LINGO1: variants seen among roughly 807,000 people sequenced by gnomAD.
The protein encoded by LINGO1 is leucine-rich repeat and immunoglobulin-like domain-containing nogo receptor-interacting protein 1.
Under a neutral mutation model 37.3 loss-of-function variants are expected in LINGO1, and 11 were observed. The observed-to-expected ratio is 0.29, with a 90% CI of 0.19 to 0.49. The LOEUF (loss-of-function observed/expected upper bound fraction) is 0.49. LINGO1 is among the 20% of genes least tolerant of loss of function. LINGO1 has a pLI of 0.99. For synonymous variants in LINGO1, 387 were observed against 403.0 expected (o/e 0.96, Z 0.48); for missense variants, 585 against 878.2 (o/e 0.67, Z 4.22).
At chr15:77,663,657 TCC>T (rs2075047680) in intron 3 of LINGO1, among the ~76,000 whole-genome samples, 1 of 152,012 alleles carries the variant, frequency 6.6e-6, no homozygotes, top group South Asian at 2.1e-4. Context: ...CCAGTAGGGG[TCC>T]TTCCTCAGTG....
chr15:77,803,252 A>G (rs1242136279), intron 1 of LINGO1, among the ~76,000 whole-genome samples: 1 of 152,138 alleles, frequency 6.6e-6, no homozygotes, highest in Non-Finnish European at 1.5e-5. Context: ...CCTAGAACCC[A>G]GCCTAGGCCT....
intron 3 of LINGO1, among the ~76,000 whole-genome samples, chr15:77,670,988 C>T (rs942859960): frequency 1.3e-5 from 2 of 152,188 alleles, no homozygotes; most frequent in Non-Finnish European, 2.9e-5. Flanking sequence ...ACATAGGGCC[C>T]GCTTCCTGGA....
At chr15:77,736,968 C>T (rs2076210022) in intron 1 of LINGO1, among the ~76,000 whole-genome samples, 1 of 152,190 alleles carries the variant, frequency 6.6e-6, no homozygotes, top group South Asian at 2.1e-4. Flanking sequence ...TGGTGCTGCA[C>T]TGAGGCATGC....
chr15:77,676,060 G>C (rs1475723292), intron 3 of LINGO1, among the ~76,000 whole-genome samples: 1 of 152,258 alleles, frequency 6.6e-6, no homozygotes, highest in African/African-American at 2.4e-5. Context: ...GAGAGCCAGA[G>C]GGGGGAAGAC....
intron 1 of LINGO1, among the ~76,000 whole-genome samples, chr15:77,735,392 G>A (rs973623066): frequency 3.9e-5 from 6 of 152,244 alleles, no homozygotes; most frequent in East Asian, 3.8e-4. Context: ...GGAAGCCACA[G>A]TTCTCTGGTT....
intron 3 of LINGO1, among the ~76,000 whole-genome samples, chr15:77,676,416 T>C (rs2075328421): frequency 6.6e-6 from 1 of 152,280 alleles, no homozygotes; most frequent in South Asian, 2.1e-4. Context: ...AGTTCAAATT[T>C]AACTGGACAG....
At chr15:77,740,162 G>A (rs1473282185) in intron 1 of LINGO1, among the ~76,000 whole-genome samples, 2 of 152,238 alleles carry the variant, frequency 1.3e-5, no homozygotes, top group African/African-American at 2.4e-5. Context: ...CATGGACAGT[G>A]TGGTCAGGGA....
chr15:77,802,980 C>T (rs1036071649), intron 1 of LINGO1, among the ~76,000 whole-genome samples: 1 of 152,184 alleles, frequency 6.6e-6, no homozygotes, highest in Admixed American at 6.5e-5. Context: ...ATACTACCCT[C>T]CAATCAGACT....
chr15:77,794,168 T>C (rs2076839322), intron 2 of LINGO1, among the ~76,000 whole-genome samples: 1 of 152,074 alleles, frequency 6.6e-6, no homozygotes, highest in East Asian at 1.9e-4. Flanking sequence ...GCACAGACAA[T>C]CCTGACGCCA....
intron 1 of LINGO1, among the ~76,000 whole-genome samples, chr15:77,783,045 T>C (rs947842408): frequency 2.6e-5 from 4 of 152,108 alleles, no homozygotes; most frequent in Non-Finnish European, 4.4e-5. Flanking sequence ...CTCCCAGCCT[T>C]TGCCTTGACA....
intron 1 of LINGO1, among the ~76,000 whole-genome samples, chr15:77,735,863 C>T (rs1277908449): frequency 6.6e-6 from 1 of 152,250 alleles, no homozygotes. Context: ...CATACACACA[C>T]ATGCATGTGT....
At chr15:77,684,765 G>A (rs1459034214) in intron 2 of LINGO1, among the ~76,000 whole-genome samples, 1 of 152,168 alleles carries the variant, frequency 6.6e-6, no homozygotes, top group Non-Finnish European at 1.5e-5. Flanking sequence ...CCCAGGCAAG[G>A]ACCCCAGTGA....
intron 1 of LINGO1, among the ~76,000 whole-genome samples, chr15:77,805,613 T>C (rs2076953234): frequency 6.6e-6 from 1 of 151,878 alleles, no homozygotes; most frequent in African/African-American, 2.4e-5. Flanking sequence ...TTAGCAAAAC[T>C]GTGTGGAAGT....
intron 2 of LINGO1, chr15:77,690,716 C>T (rs2075588639): frequency 6.6e-6 from 1 of 152,260 alleles, no homozygotes; most frequent in South Asian, 2.1e-4. Flanking sequence ...GGGATGCCAC[C>T]TACCCTGACT....
chr15:77,787,968 CA>C (rs2076788035), upstream of LINGO1: 1 of 152,238 alleles, frequency 6.6e-6, no homozygotes, highest in Non-Finnish European at 1.5e-5. Context: ...TGGAGCTGTC[CA>C]GGGGCAGAGA....
At chr15:77,643,876 G>A (rs975475697) in intron 3 of LINGO1, among the ~76,000 whole-genome samples, 5 of 152,222 alleles carry the variant, frequency 3.3e-5, no homozygotes, top group Non-Finnish European at 5.9e-5. Flanking sequence ...AAATGGGGGT[G>A]GGGGTGCAAT....
At position 77,615,132 on chromosome 15, in the gene LINGO1, A is replaced by G; in HGVS notation, c.775T>C (p.Cys259Arg). ...WPYLDTMTPNCLYGLNLTSLS... is the reference protein window; with the variant it reads ...WPYLDTMTPNRLYGLNLTSLS... ...GACGTCAGGTTGAGGCCGTAGAGGC[A>G]GTTGGGTGTCATGGTGTCCAAGTAG... is the stretch of plus-strand genomic sequence containing the variant. The change falls in exon 2 of 2, where the codon TGC becomes CGC. Residue 259 changes from cysteine to arginine, a missense_variant. Physicochemically the swap from Cys to Arg is radical, Grantham distance 180. Around this residue, in one of 4 missense-constraint regions of LINGO1, gnomAD observed 484 missense variants for 735.0 expected, o/e 0.66. Coordinates refer to ENST00000355300, the MANE Select transcript of LINGO1 (RefSeq NM_032808.7). The G allele has an allele frequency of 6.2e-7, 1 of 1,614,004 alleles. No homozygotes were observed.
intron 2 of LINGO1, among the ~76,000 whole-genome samples, chr15:77,722,213 G>A (rs1018920604): frequency 6.7e-6 from 1 of 149,810 alleles, no homozygotes; most frequent in African/African-American, 2.5e-5. Context: ...TCAGCACACC[G>A]GCCAGGGAAG....
chr15:77,663,875 A>T (rs1286465288), intron 3 of LINGO1, among the ~76,000 whole-genome samples: 2 of 152,150 alleles, frequency 1.3e-5, no homozygotes, highest in Non-Finnish European at 2.9e-5. Context: ...TGGCAGAGGA[A>T]ATGCTCAGGC....
Sources: gnomAD v4.1 joint callset for allele counts (sites outside exome capture counted in the v4.1 genomes callset) on GRCh38, gnomAD v4.1.1 for gene constraint, gnomAD v4.1.1 regional missense constraint, MANE v1.5 for transcripts, NCBI Gene and HGNC (gene_info 2026-07-23, HGNC 2026-07-21) for gene names.